Variants in ATP6V0A2 observed in about 807,000 individuals in gnomAD.
The protein encoded by ATP6V0A2 is V-type proton ATPase 116 kDa subunit a 2.
Under a neutral mutation model 104.4 loss-of-function variants are expected in ATP6V0A2, and 58 were observed. The ratio of observed to expected loss-of-function variants is 0.56; its 90% CI spans 0.45 to 0.69. The LOEUF is 0.69. Among genes scored for constraint, ATP6V0A2 ranks in the 30% least tolerant of loss-of-function variants. The pLI is 0.00. For missense variants in ATP6V0A2, 938 were observed against 1,062.9 expected (o/e 0.88, Z 1.63); for synonymous variants, 376 against 397.9 (o/e 0.95, Z 0.65).
chr12:123,757,561 T>C (rs151245909), intron 19 of ATP6V0A2, among the ~76,000 whole-genome samples: 1 of 152,384 alleles, frequency 6.6e-6, no homozygotes, highest in Non-Finnish European at 1.5e-5. Flanking sequence ...GACAGGTTGC[T>C]CTGTCTTATT....
intron 14 of ATP6V0A2, 31 bp from the exon 15 acceptor site, chr12:123,748,544 C>A (rs773334819): frequency 6.6e-7 from 1 of 1,516,070 alleles, no homozygotes; most frequent in South Asian, 1.1e-5. Context: ...TGATCTTGTT[C>A]GTGGGTTGAT....
At position 123,758,577 on chromosome 12, in the gene ATP6V0A2, A is replaced by ATGGCACGATCGTGTCTCATTGCAACTT. The variant is rs1956785124; in HGVS notation, c.*546_*572dup. 6.6e-6 allele frequency: 1 copy of ATGGCACGATCGTGTCTCATTGCAACTT among 151,414 alleles called. No homozygotes were observed. The highest frequency in any genetic ancestry group is 1.5e-5 in the Non-Finnish European group (1 of 68,244). 9.4% of individuals were successfully genotyped at this position (151,414 alleles called of 1,614,324 possible). A position where few individuals can be genotyped will look rare whatever the true frequency, so the allele number is the denominator to read the frequency against. On this transcript the variant is annotated 3_prime_UTR_variant, in exon 20 of 20. Transcript: ENST00000330342. ...GCTGTGTCACGTAGGCTGGAGTGCA[A>ATGGCACGATCGTGTCTCATTGCAACTT]TGGCACGATCGTGTCTCATTGCAAC...
rs776847603 is a variant in ATP6V0A2 at position 123,730,044 on chromosome 12, CTTT to C, written c.648+2161_648+2163del. Among the ~76,000 whole-genome samples, 44 of 70,304 alleles carry C rather than the reference CTTT, an allele frequency of 6.3e-4. 1 individual carries two copies. The highest frequency in any genetic ancestry group is 2.6e-3 in the African/African-American group (42 of 15,966). The allele number at this position is 70,304 out of a possible 152,430, so 46.1% of individuals were successfully genotyped here. Reference sequence around the variant, plus strand: ...ATTGAAACACCATCAGGAGTTAGGTCTTTTTTTTTTTTTTTTTTTTTTTTTTTT... The same window carrying C: ...ATTGAAACACCATCAGGAGTTAGGTCTTTTTTTTTTTTTTTTTTTTTTTTT... On this transcript the variant is annotated intron_variant, in intron 6 of 19. Transcript: ENST00000330342.
chr12:123,733,640 G>A (rs1593899302), intron 6 of ATP6V0A2: 1 of 440,712 alleles, frequency 2.3e-6, no homozygotes, highest in Non-Finnish European at 4.2e-6. Context: ...TAGTCTGAGA[G>A]CAGAGATGGG....
chr12:123,720,047 A>G (rs1402543485), intron 2 of ATP6V0A2, among the ~76,000 whole-genome samples: 1 of 152,066 alleles, frequency 6.6e-6, no homozygotes, highest in Non-Finnish European at 1.5e-5. Flanking sequence ...CTTTGGGTCT[A>G]TTCTTCCTTT....
chr12:123,726,363 A>G (rs1956449124), intron 5 of ATP6V0A2, 78 bp downstream of exon 5: 3 of 992,206 alleles, frequency 3.0e-6, no homozygotes, highest in Non-Finnish European at 4.9e-6. Flanking sequence ...AGAAGGGATG[A>G]ATGGAGACCA....
chr12:123,725,034 C>T (rs1956436192), intron 4 of ATP6V0A2, among the ~76,000 whole-genome samples: 1 of 152,130 alleles, frequency 6.6e-6, no homozygotes, highest in Non-Finnish European at 1.5e-5. Context: ...CTTCCGGGTT[C>T]AAGAGATTGT....
chr12:123,734,931 C>T (rs114779059), intron 7 of ATP6V0A2, among the ~76,000 whole-genome samples: 1,532 of 152,196 alleles, frequency 0.01, 19 homozygotes, highest in African/African-American at 0.034. Context: ...TAGGATAAGG[C>T]TAGAATAGGT....
Position 123,733,984 on chromosome 12 carries a change from A to T in ATP6V0A2, c.707A>T (p.His236Leu). The T allele has an allele frequency of 6.2e-7, 1 of 1,613,456 alleles. No homozygotes were observed. Among genetic ancestry groups the T allele is most frequent in the Non-Finnish European group, 8.5e-7 (1 of 1,179,414 alleles). ...TCCTTTTGGGGAGAGCAGATTGGCC[A>T]CAAGGTTAAGAAGATATGTGATTGG... is the stretch of plus-strand genomic sequence containing the variant. The part of the protein sequence containing the change: ...LISFWGEQIG[H>L]KVKKICDCYH... The change falls in exon 7 of 20, where the codon CAC (histidine) becomes CTC (leucine). Residue 236 changes from histidine (H) to leucine (L), a missense_variant. Coordinates refer to ENST00000330342, the MANE Select transcript of ATP6V0A2 (RefSeq NM_012463.4).
chr12:123,743,383 G>A (rs765309698), intron 9 of ATP6V0A2, among the ~76,000 whole-genome samples: 26 of 152,208 alleles, frequency 1.7e-4, no homozygotes, highest in Non-Finnish European at 2.8e-4. Flanking sequence ...GGCTGGGCAC[G>A]GTGCTCACAC....
In ATP6V0A2 at chr12:123,744,414, A is replaced by G. The variant is rs893785083; in HGVS notation, c.1326+77A>G. On this transcript the variant is annotated intron_variant, in intron 11 of 19. Coordinates refer to ENST00000330342, the MANE Select transcript of ATP6V0A2 (RefSeq NM_012463.4). This position sits in a 1 kb window ranked among gnomAD's most constrained non-coding sequence, Gnocchi z 5.4. The stretch of plus-strand genomic sequence containing the variant: ...TGACCGAAAGAGAGACACCTCTTAG[A>G]TGTTTGCTGTAGGCTGCGGCTGTGC... The G allele has an allele frequency of 8.1e-6, 13 of 1,597,186 alleles. No homozygotes were observed. In the East Asian group the frequency reaches 2.2e-4, roughly 27 times the overall value.
At chr12:123,715,939 A>G (rs1956334718) in intron 1 of ATP6V0A2, among the ~76,000 whole-genome samples, 1 of 152,226 alleles carries the variant, frequency 6.6e-6, no homozygotes, top group Admixed American at 6.5e-5. Flanking sequence ...AGGGAAGAGT[A>G]CAGTGTACCC....
At chr12:123,716,495 A>T (rs1227388893) in intron 1 of ATP6V0A2, among the ~76,000 whole-genome samples, 4 of 152,198 alleles carry the variant, frequency 2.6e-5, no homozygotes, top group African/African-American at 9.7e-5. Flanking sequence ...CATGATTTTT[A>T]GAAAGTTTAT....
chr12:123,730,123 C>T (rs1312536963), intron 6 of ATP6V0A2, among the ~76,000 whole-genome samples: 2 of 141,704 alleles, frequency 1.4e-5, no homozygotes, highest in African/African-American at 2.6e-5. Flanking sequence ...GGCGCGATCT[C>T]GGCTCACTGC....
chr12:123,744,524 C>T lies in ATP6V0A2; in HGVS notation c.1327-73C>T, dbSNP rs1593910994. The stretch of plus-strand genomic sequence containing the variant: ...TTTCTGAGAAGTGAGTGGTGAGGGT[C>T]GTGCCCACACCGACAGCTGTCACAT... On this transcript the variant is annotated intron_variant, in intron 11 of 19. Coordinates refer to ENST00000330342, the MANE Select transcript of ATP6V0A2 (RefSeq NM_012463.4). The surrounding 1 kb of genome is among the most constrained non-coding windows in gnomAD (Gnocchi z 5.4). The T allele has an allele frequency of 3.8e-6, 6 of 1,586,546 alleles. No individual in the cohort carries two copies. Among genetic ancestry groups the T allele is most frequent in the Non-Finnish European group, 3.5e-6 (4 of 1,158,824 alleles).
chr12:123,724,768 A>G lies in ATP6V0A2; in HGVS notation c.409A>G (p.Thr137Ala), dbSNP rs1319344210. 4 of 1,613,668 alleles carry G rather than the reference A, an allele frequency of 2.5e-6. No homozygotes were observed. The highest frequency in any genetic ancestry group is 2.5e-6 in the Non-Finnish European group (3 of 1,179,764). Residue 137 changes from threonine to alanine, a missense_variant, in exon 4 of 20, where the codon ACC becomes GCC. Thr to Ala is a moderately conservative substitution (Grantham distance 58, BLOSUM62 0). Transcript: ENST00000330342. ...EYTHMLRVTK[T>A]FVKRNVEFEP... ...CACTCACATGCTGAGAGTGACAAAG[A>G]CCTTTGTGAAACGCAATGTTGAGGT...
intron 9 of ATP6V0A2, among the ~76,000 whole-genome samples, chr12:123,739,765 A>G (rs182629500): frequency 6.6e-6 from 1 of 152,300 alleles, no homozygotes; most frequent in African/African-American, 2.4e-5. Context: ...TTTTCTGGAA[A>G]TAAAATTCTG....
At chr12:123,736,519 C>G (rs896503266) in intron 8 of ATP6V0A2, among the ~76,000 whole-genome samples, 2 of 152,146 alleles carry the variant, frequency 1.3e-5, no homozygotes, top group African/African-American at 4.8e-5. Context: ...TCACAAAAGA[C>G]AAGCCAGCTC....
At chr12:123,729,941 A>G (rs956855443) in intron 6 of ATP6V0A2, among the ~76,000 whole-genome samples, 5 of 150,876 alleles carry the variant, frequency 3.3e-5, no homozygotes, top group African/African-American at 1.2e-4. Flanking sequence ...CAGCCTCCCG[A>G]GTAGCTGGGA....
Sources: gnomAD v4.1 joint callset for allele counts (sites outside exome capture counted in the v4.1 genomes callset) on GRCh38, gnomAD v4.1.1 for gene constraint, Gnocchi (gnomAD v3.1) non-coding constraint, MANE v1.5 for transcripts, NCBI Gene and HGNC (gene_info 2026-07-23, HGNC 2026-07-21) for gene names.